Variants in PLXNA2 observed in about 807,000 individuals in gnomAD.
PLXNA2 encodes the protein plexin A2.
A neutral mutation model predicts 193.5 loss-of-function variants in PLXNA2; 91 were observed. The observed-to-expected ratio is 0.47, with a 90% CI of 0.40 to 0.56. The LOEUF (loss-of-function observed/expected upper bound fraction) is 0.56, where lower values mean the gene tolerates loss of function less well. Among genes scored for constraint, PLXNA2 ranks in the 20% least tolerant of loss-of-function variants. PLXNA2 has a pLI of 0.00. For missense variants in PLXNA2, 1,995 were observed against 2,503.2 expected, an observed-to-expected ratio of 0.80 and a Z score of 4.33; for synonymous variants, 997 against 1,027.3, an observed-to-expected ratio of 0.97 and a Z score of 0.56.
chr1:208,062,100 G>A (rs1045748628), intron 12 of PLXNA2, among the ~76,000 whole-genome samples: 2 of 152,122 alleles, frequency 1.3e-5, no homozygotes, highest in African/African-American at 2.4e-5. Context: ...GATGAAGATC[G>A]AGCGTCCTCT....
chr1:208,047,593 A>G (rs542110462), intron 17 of PLXNA2, among the ~76,000 whole-genome samples: 1 of 152,346 alleles, frequency 6.6e-6, no homozygotes, highest in African/African-American at 2.4e-5. Context: ...GCTCAGTTTC[A>G]GCTTTGGGAG....
intron 4 of PLXNA2, among the ~76,000 whole-genome samples, chr1:208,133,250 T>C (rs1668213001): frequency 1.3e-5 from 2 of 152,224 alleles, no homozygotes. Flanking sequence ...GAATACATAG[T>C]ACATCTCTTC....
rs963370761 is a variant in PLXNA2 at position 208,105,554 on chromosome 1, A to C, written c.1507-2307T>G. On this transcript the variant is annotated intron_variant, in intron 4 of 31. Transcript: ENST00000367033. ...ACTCTACAGTTAAAAGATAACATGC[A>C]GCCACCACCACCACCACCAATTCAC... Among the ~76,000 whole-genome samples the C allele has an allele frequency of 3.3e-5, 5 of 152,196 alleles. No individual in the cohort carries two copies. The East Asian group carries it at 5.8e-4, about 18-fold the overall frequency.
intron 21 of PLXNA2, 69 bp from the exon 22 acceptor site, chr1:208,042,435 A>C: frequency 4.2e-5 from 65 of 1,534,812 alleles, no homozygotes; most frequent in Non-Finnish European, 5.1e-5. Context: ...TGAGGGTCTC[A>C]CTGAGGGCCT....
At chr1:208,094,233 T>C (rs2148699) in intron 8 of PLXNA2, among the ~76,000 whole-genome samples, 63,863 of 152,042 alleles carry the variant, frequency 0.42, 13,625 homozygotes, top group African/African-American at 0.44. Flanking sequence ...TCTAGCTAGA[T>C]GTGGCTCTTC....
At chr1:208,092,735 GC>G (rs1170349969) in intron 9 of PLXNA2, 50 bp downstream of exon 9, 1 of 1,287,720 alleles carries the variant, frequency 7.8e-7, no homozygotes, top group Non-Finnish European at 1.1e-6. Flanking sequence ...AGAGGGAGGG[GC>G]CACTCAGACT....
intron 8 of PLXNA2, among the ~76,000 whole-genome samples, 183 bp downstream of exon 8, chr1:208,095,845 AT>A (rs1666866626): frequency 6.6e-6 from 1 of 152,064 alleles, no homozygotes; most frequent in South Asian, 2.1e-4. Context: ...AGTAAATACC[AT>A]TTGGTTTAAT....
chr1:208,039,054 C>T, intron 24 of PLXNA2, 70 bp from the exon 25 acceptor site: 1 of 1,397,182 alleles, frequency 7.2e-7, no homozygotes, highest in Non-Finnish European at 9.8e-7. Context: ...GGGTCAGGAC[C>T]TCAGAATCTT....
chr1:208,227,922 G>A (rs1027675907), intron 1 of PLXNA2, among the ~76,000 whole-genome samples: 6 of 152,138 alleles, frequency 3.9e-5, no homozygotes, highest in Non-Finnish European at 5.9e-5. Flanking sequence ...GGCATATTGT[G>A]CTGCCATTAA....
intron 27 of PLXNA2, among the ~76,000 whole-genome samples, chr1:208,033,720 G>C (rs576048203): frequency 1.2e-4 from 19 of 152,180 alleles, no homozygotes; most frequent in African/African-American, 4.6e-4. Flanking sequence ...TTTTAGAAAA[G>C]GATTTATAAA....
chr1:208,083,061 C>T (rs1052509757), intron 10 of PLXNA2, among the ~76,000 whole-genome samples: 7 of 152,190 alleles, frequency 4.6e-5, no homozygotes, highest in African/African-American at 1.7e-4. Context: ...CCTCTTACTA[C>T]TCTTGTAAGG....
intron 3 of PLXNA2, among the ~76,000 whole-genome samples, chr1:208,148,773 C>T (rs1036429611): frequency 4.6e-5 from 7 of 152,130 alleles, no homozygotes; most frequent in African/African-American, 7.2e-5. Context: ...GAGACCAGCA[C>T]GGGGGGCGGA....
intron 22 of PLXNA2, 103 bp from the exon 23 acceptor site, chr1:208,040,161 G>C: frequency 1.1e-6 from 1 of 908,494 alleles, no homozygotes; most frequent in Non-Finnish European, 1.8e-6. Flanking sequence ...TGGAGCATGG[G>C]AGAACGCAGG....
chr1:208,097,020 G>T, intron 6 of PLXNA2, 137 bp from the exon 7 acceptor site: 1 of 692,292 alleles, frequency 1.4e-6, no homozygotes, highest in Non-Finnish European at 2.3e-6. Flanking sequence ...GGTCTAAGTG[G>T]TCTTCCAGCT....
At chr1:208,186,329 G>A (rs1162648866) in intron 3 of PLXNA2, among the ~76,000 whole-genome samples, 1 of 152,048 alleles carries the variant, frequency 6.6e-6, no homozygotes, top group Non-Finnish European at 1.5e-5. Context: ...TGGGGGTTGG[G>A]AGAGGGGGTT....
intron 8 of PLXNA2, 118 bp downstream of exon 8, chr1:208,095,911 G>A: frequency 1.3e-6 from 1 of 765,626 alleles, no homozygotes; most frequent in South Asian, 1.6e-5. Context: ...AGGCCCCATG[G>A]GGAAACTGTG....
chr1:208,067,339 C>T (rs566452414), intron 12 of PLXNA2, among the ~76,000 whole-genome samples: 29 of 120,832 alleles, frequency 2.4e-4, no homozygotes, highest in Admixed American at 9.0e-4. Flanking sequence ...AGTGGAACTC[C>T]GTCTCAAAAA....
chr1:208,117,775 T>C (rs538286568), intron 4 of PLXNA2, among the ~76,000 whole-genome samples: 2 of 152,200 alleles, frequency 1.3e-5, no homozygotes, highest in Admixed American at 6.5e-5. Context: ...GTGGATCCAT[T>C]TGGGGGAAAG....
At chr1:208,155,830 G>A (rs1668923246) in intron 3 of PLXNA2, among the ~76,000 whole-genome samples, 1 of 152,166 alleles carries the variant, frequency 6.6e-6, no homozygotes, top group East Asian at 1.9e-4. Flanking sequence ...AGCATCACAT[G>A]GCTTCCCATC....
Sources: gnomAD v4.1 joint callset for allele counts (sites outside exome capture counted in the v4.1 genomes callset) on GRCh38, gnomAD v4.1.1 for gene constraint, MANE v1.5 for transcripts, NCBI Gene and HGNC (gene_info 2026-07-23, HGNC 2026-07-21) for gene names.